The following BCAS3 variants were observed in gnomAD, a reference collection of about 807,000 sequenced individuals.
The protein encoded by BCAS3 is BCAS3 microtubule associated cell migration factor, also known as BCAS4/BCAS3 fusion.
Under a neutral mutation model 116.1 loss-of-function variants are expected in BCAS3, and 53 were observed. The ratio of observed to expected loss-of-function variants is 0.46; its 90% CI spans 0.37 to 0.57. BCAS3 has a LOEUF of 0.57. BCAS3 is among the 20% of genes least tolerant of loss of function. BCAS3 has a pLI of 0.00. For missense variants in BCAS3, 917 were observed against 1,165.4 expected, an observed-to-expected ratio of 0.79 and a Z score of 3.10; for synonymous variants, 391 against 408.2, an observed-to-expected ratio of 0.96 and a Z score of 0.51.
chr17:61,364,926 T>C lies in BCAS3; in HGVS notation c.2426-3401T>C, dbSNP rs1311914090. On this transcript the variant is annotated intron_variant, in intron 22 of 23. Coordinates refer to ENST00000407086, the MANE Select transcript of BCAS3 (RefSeq NM_017679.5). This position sits in a 1 kb window ranked among gnomAD's most constrained non-coding sequence, Gnocchi z 5.4. Reference sequence around the variant, plus strand: ...CGACCTCTCAGGATCATTATGATAGTCAGAATTTATGATGATGCCCCAAGT... The same window carrying C: ...CGACCTCTCAGGATCATTATGATAGCCAGAATTTATGATGATGCCCCAAGT... Among the ~76,000 whole-genome samples, 1 of 152,186 alleles carries C rather than the reference T, an allele frequency of 6.6e-6. No individual in the cohort carries two copies. Among genetic ancestry groups the C allele is most frequent in the East Asian group, 1.9e-4 (1 of 5,184 alleles).
intron 6 of BCAS3, among the ~76,000 whole-genome samples, chr17:60,794,813 A>G (rs934399050): frequency 1.3e-5 from 2 of 152,090 alleles, no homozygotes; most frequent in Non-Finnish European, 2.9e-5. Flanking sequence ...TGGCCTTAGA[A>G]TATGGTTTGA....
Position 61,265,616 on chromosome 17 carries a change from C to G in BCAS3, c.2426-102711C>G, listed in dbSNP as rs1438825931. Among the ~76,000 whole-genome samples the G allele has an allele frequency of 1.3e-5, 2 of 152,154 alleles. No homozygotes were observed. Among genetic ancestry groups the G allele is most frequent in the Admixed American group, 6.6e-5 (1 of 15,266 alleles). On this transcript the variant is annotated intron_variant, in intron 22 of 23. Coordinates refer to ENST00000407086, the MANE Select transcript of BCAS3 (RefSeq NM_017679.5). The surrounding 1 kb of genome is among the most constrained non-coding windows in gnomAD (Gnocchi z 4.3). ...TGACTTTACGTAAGGATTGCCAATT[C>G]ATGCCCAAACTTAGTGAAGCAAGCT...
rs753035843 is a variant in BCAS3, at chr17:61,126,865, A to G, written c.2425+42301A>G. 1.4e-4 allele frequency among the ~76,000 whole-genome samples: 21 copies of G among 152,110 alleles called. No individual in the cohort carries two copies. The highest frequency in any genetic ancestry group is 2.6e-4 in the Non-Finnish European group (18 of 68,004). ...AAAATATTACAACCGTATCATTACT[A>G]CTTTGAATACAGGAATGTCTTACAT... is the stretch of plus-strand genomic sequence containing the variant. On this transcript the variant is annotated intron_variant, in intron 22 of 23. Coordinates refer to ENST00000407086, the MANE Select transcript of BCAS3 (RefSeq NM_017679.5). This position sits in a 1 kb window ranked among gnomAD's most constrained non-coding sequence, Gnocchi z 4.6.
chr17:60,833,298 T>C (rs1358406614), intron 7 of BCAS3, among the ~76,000 whole-genome samples: 1 of 152,244 alleles, frequency 6.6e-6, no homozygotes, highest in Non-Finnish European at 1.5e-5. Flanking sequence ...TGAAAAGCAC[T>C]AATAGCACTT....
intron 16 of BCAS3, among the ~76,000 whole-genome samples, chr17:61,031,013 A>T (rs1214049687): frequency 6.6e-6 from 1 of 152,034 alleles, no homozygotes; most frequent in Non-Finnish European, 1.5e-5. Flanking sequence ...GCATCAATAC[A>T]AATTTAAATA....
rs552474890 is a variant in BCAS3 at position 60,819,175 on chromosome 17, C to A, written c.476+11099C>A. 2.6e-5 allele frequency among the ~76,000 whole-genome samples: 4 copies of A among 152,192 alleles called. No individual in the cohort carries two copies. The East Asian group carries it at 5.8e-4, about 22-fold the overall frequency. Reference sequence around the variant, plus strand: ...TGCTAATTGTGTACATTTTTCATGACCCCAGTTCACTTAATTACTTAAAGC... The same window carrying A: ...TGCTAATTGTGTACATTTTTCATGAACCCAGTTCACTTAATTACTTAAAGC... On this transcript the variant is annotated intron_variant, in intron 7 of 23. Transcript: ENST00000407086.
chr17:60,892,718 C>T (rs1429015346), intron 10 of BCAS3, among the ~76,000 whole-genome samples: 2 of 151,834 alleles, frequency 1.3e-5, no homozygotes, highest in African/African-American at 2.4e-5. Context: ...GCCAGGAGTT[C>T]GAGACCAGCC....
Position 61,078,361 on chromosome 17 carries a change from A to G in BCAS3, c.2159A>G (p.His720Arg), listed in dbSNP as rs766203199. The change falls in exon 21 of 24, where the codon CAT (histidine) becomes CGT (arginine). Residue 720 changes from histidine to arginine, a missense_variant. By Grantham distance (29) the His-to-Arg change is conservative (BLOSUM62 0). Transcript: ENST00000407086. The stretch of plus-strand genomic sequence containing the variant: ...GAAATTGTAACACACACTGGACCCC[A>G]TAGACGTCTGTGGATGGGTCCACAG... Reference protein sequence around the residue: ...QVEIVTHTGPHRRLWMGPQFQ... With the variant: ...QVEIVTHTGPRRRLWMGPQFQ... 1.2e-6 allele frequency: 2 copies of G among 1,614,076 alleles called. No homozygotes were observed. The highest frequency in any genetic ancestry group is 8.5e-7 in the Non-Finnish European group (1 of 1,179,964).
At chr17:60,738,018 C>A (rs2041151910) in intron 5 of BCAS3, among the ~76,000 whole-genome samples, 1 of 152,212 alleles carries the variant, frequency 6.6e-6, no homozygotes, top group Non-Finnish European at 1.5e-5. Flanking sequence ...AACTCCTGAT[C>A]TCAGGTGATC....
At chr17:60,705,673 G>C (rs2037031471) in intron 4 of BCAS3, among the ~76,000 whole-genome samples, 1 of 152,164 alleles carries the variant, frequency 6.6e-6, no homozygotes, top group African/African-American at 2.4e-5. Context: ...GGAGCTCAGT[G>C]CTTCCAAACC....
intron 22 of BCAS3, among the ~76,000 whole-genome samples, chr17:61,158,042 G>C (rs777464939): frequency 5.3e-5 from 8 of 151,812 alleles, no homozygotes; most frequent in Non-Finnish European, 1.0e-4. Context: ...CTTCCTATAT[G>C]CAACTCTTTT....
intron 18 of BCAS3, 85 bp downstream of exon 18, chr17:61,038,139 T>C: frequency 1.6e-6 from 2 of 1,213,468 alleles, no homozygotes; most frequent in Non-Finnish European, 1.1e-6. Context: ...AGTTTTGACA[T>C]GCATACAGCT....
rs546972272 is a variant in BCAS3, at chr17:61,068,871, C to CT, written c.2030-6043dup. ...TTTCTTTTTATCAAGGTTGTAAATT[C>CT]TTTTTTCCATGTGAACAGGTATGTC... On this transcript the variant is annotated intron_variant, in intron 19 of 23. Coordinates refer to ENST00000407086, the MANE Select transcript of BCAS3 (RefSeq NM_017679.5). The surrounding 1 kb of genome is among the most constrained non-coding windows in gnomAD (Gnocchi z 4.3). Among the ~76,000 whole-genome samples, 117 of 152,168 alleles carry CT rather than the reference C, an allele frequency of 7.7e-4. 5 individuals are homozygous for CT. In the South Asian group the frequency reaches 0.024, roughly 32 times the overall value.
intron 22 of BCAS3, among the ~76,000 whole-genome samples, chr17:61,242,639 G>A (rs1246734861): frequency 6.6e-6 from 1 of 152,168 alleles, no homozygotes; most frequent in Admixed American, 6.5e-5. Context: ...AAAGAGTCTG[G>A]AATTTAAGAA....
At chr17:61,038,680 T>G (rs536676432) in intron 18 of BCAS3, among the ~76,000 whole-genome samples, 2 of 119,662 alleles carry the variant, frequency 1.7e-5, no homozygotes, top group South Asian at 2.3e-4. Context: ...TTTTTTTTTT[T>G]TTTTTTTGGA....
chr17:61,293,823 C>T (rs188329815), intron 22 of BCAS3, among the ~76,000 whole-genome samples: 36 of 152,318 alleles, frequency 2.4e-4, no homozygotes, highest in African/African-American at 5.1e-4. Context: ...TGCAGTGGCA[C>T]GATCTCAGCT....
intron 6 of BCAS3, among the ~76,000 whole-genome samples, chr17:60,769,278 G>A (rs901023320): frequency 3.3e-5 from 5 of 152,214 alleles, no homozygotes; most frequent in Non-Finnish European, 7.3e-5. Context: ...ATGCTCAGGT[G>A]TTGGCAGTGG....
intron 7 of BCAS3, among the ~76,000 whole-genome samples, chr17:60,835,064 T>G (rs2051252569): frequency 6.6e-6 from 1 of 151,980 alleles, no homozygotes; most frequent in African/African-American, 2.4e-5. Flanking sequence ...TGTATTCCTC[T>G]GCCAGCAGTT....
intron 10 of BCAS3, among the ~76,000 whole-genome samples, chr17:60,890,582 GTTAT>G (rs1845350529): frequency 6.6e-6 from 1 of 152,066 alleles, no homozygotes; most frequent in Non-Finnish European, 1.5e-5. Flanking sequence ...GACTTCTTCG[GTTAT>G]TTATCAATTT....
Sources: gnomAD v4.1 joint callset for allele counts (sites outside exome capture counted in the v4.1 genomes callset) on GRCh38, gnomAD v4.1.1 for gene constraint, Gnocchi (gnomAD v3.1) non-coding constraint, MANE v1.5 for transcripts, NCBI Gene and HGNC (gene_info 2026-07-23, HGNC 2026-07-21) for gene names.